ORC5: variants seen among roughly 807,000 people sequenced by gnomAD.
ORC5 encodes the protein protein phosphatase 1, regulatory subunit 117.
ORC5 carries 39 observed loss-of-function variants against 58.8 expected under a neutral mutation model. That is an observed-to-expected ratio of 0.66 (90% CI 0.51 to 0.87). ORC5 has a LOEUF of 0.87. ORC5 is among the 40% of genes least tolerant of loss of function. The pLI, the probability that ORC5 is intolerant of heterozygous loss-of-function variation, is 0.00. For missense variants in ORC5, 493 were observed against 506.3 expected (o/e 0.97, Z 0.25); for synonymous variants, 218 against 177.6 (o/e 1.23, Z -1.81).
intron 5 of ORC5, among the ~76,000 whole-genome samples, chr7:104,189,579 C>A (rs1043522749): frequency 6.6e-6 from 1 of 152,046 alleles, no homozygotes; most frequent in South Asian, 2.1e-4. Context: ...ATGATTTAAT[C>A]AAATCATGAC....
At chr7:104,142,879 C>T (rs1798694864) in intron 12 of ORC5, among the ~76,000 whole-genome samples, 2 of 152,026 alleles carry the variant, frequency 1.3e-5, no homozygotes, top group South Asian at 2.1e-4. Flanking sequence ...CAGGAGTCTT[C>T]GTGGGAGAGT....
chr7:104,156,824 T>C lies in ORC5; in HGVS notation c.1149+4248A>G, dbSNP rs185317653. Among the ~76,000 whole-genome samples the C allele has an allele frequency of 2.8e-3, 423 of 151,986 alleles. 13 individuals are homozygous for C. Among genetic ancestry groups the C allele is most frequent in the Admixed American group, 0.026 (393 of 15,242 alleles). Reference sequence around the variant, plus strand: ...ATAAAAGTGTAAATACACACATACATGTTTATAATTACATTTTTCAGCAAG... The same window carrying C: ...ATAAAAGTGTAAATACACACATACACGTTTATAATTACATTTTTCAGCAAG... On this transcript the variant is annotated intron_variant, in intron 12 of 13. Transcript: ENST00000297431.
At chr7:104,139,060 G>A (rs194853) in intron 12 of ORC5, among the ~76,000 whole-genome samples, 45,494 of 152,084 alleles carry the variant, frequency 0.3, 7,384 homozygotes, top group East Asian at 0.52. Flanking sequence ...AGGAAAAAGA[G>A]TCAGCAATGG....
chr7:104,179,454 C>A (rs188527127), intron 8 of ORC5, among the ~76,000 whole-genome samples: 212 of 152,062 alleles, frequency 1.4e-3, no homozygotes, highest in African/African-American at 5.0e-3. Flanking sequence ...ATTTGTAAGT[C>A]TTTCCAAAGA....
intron 2 of ORC5, among the ~76,000 whole-genome samples, chr7:104,202,182 C>T (rs781234964): frequency 2.6e-5 from 4 of 152,118 alleles, no homozygotes; most frequent in Non-Finnish European, 2.9e-5. Flanking sequence ...AGGTCACAAA[C>T]GAGACTTGCT....
chr7:104,197,631 T>C, intron 4 of ORC5, 94 bp downstream of exon 4: 1 of 697,932 alleles, frequency 1.4e-6, no homozygotes. Context: ...ATTAAAATAC[T>C]AATTCTCACC....
At chr7:104,194,520 C>T (rs1445758336) in intron 5 of ORC5, among the ~76,000 whole-genome samples, 1 of 151,976 alleles carries the variant, frequency 6.6e-6, no homozygotes, top group Non-Finnish European at 1.5e-5. Context: ...CCAAAATCAT[C>T]AGGATCTATG....
chr7:104,193,719 T>TAAA lies in ORC5; in HGVS notation c.553+1421_553+1423dup, dbSNP rs10651483. On this transcript the variant is annotated intron_variant, in intron 5 of 13. Coordinates refer to ENST00000297431, the MANE Select transcript of ORC5 (RefSeq NM_002553.4). ...TTTGTCTGACTACAGTGTTTTTGCT[T>TAAA]AAAAAAAAAAAACAAAACTGAATAT... 7.4e-4 allele frequency among the ~76,000 whole-genome samples: 108 copies of TAAA among 145,738 alleles called. 1 individual carries two copies. The highest frequency in any genetic ancestry group is 1.1e-3 in the Non-Finnish European group (76 of 66,520).
rs7797481 is a variant in ORC5, at chr7:104,129,609, G to C, written c.1263-2716C>G. Among the ~76,000 whole-genome samples the C allele has an allele frequency of 0.13, 19,767 of 152,158 alleles. 1,537 individuals are homozygous for C. The highest frequency in any genetic ancestry group is 0.18 in the Non-Finnish European group (12,370 of 67,948). ...TGCCACACATCCGAAAGATAATTTT[G>C]TGCTTTAAAGTACTTGAAGACAAAC... On this transcript the variant is annotated intron_variant, in intron 13 of 13. Transcript: ENST00000297431. The surrounding 1 kb of genome is among the most constrained non-coding windows in gnomAD (Gnocchi z 4.9).
At chr7:104,187,723 A>G (rs1185793988) in intron 6 of ORC5, 1 of 956,514 alleles carries the variant, frequency 1.0e-6, no homozygotes, top group African/African-American at 1.8e-5. Context: ...AATTGTTAAA[A>G]AAAAAAAATT....
intron 12 of ORC5, among the ~76,000 whole-genome samples, chr7:104,155,181 A>G (rs1798903243): frequency 6.6e-6 from 1 of 151,814 alleles, no homozygotes; most frequent in African/African-American, 2.4e-5. Context: ...TCGATGTAAC[A>G]AATAACTCCA....
At chr7:104,201,184 G>A (rs1799934664) in intron 2 of ORC5, among the ~76,000 whole-genome samples, 1 of 152,174 alleles carries the variant, frequency 6.6e-6, no homozygotes, top group Non-Finnish European at 1.5e-5. Context: ...AAGGGAGAAT[G>A]GTGGGAGAGA....
intron 8 of ORC5, among the ~76,000 whole-genome samples, chr7:104,180,322 G>C (rs1799407467): frequency 7.7e-6 from 1 of 129,650 alleles, no homozygotes; most frequent in Non-Finnish European, 1.9e-5. Flanking sequence ...CAAATATTTT[G>C]CATTTTATCA....
chr7:104,150,361 C>T lies in ORC5; in HGVS notation c.1149+10711G>A, dbSNP rs565326171. Among the ~76,000 whole-genome samples, 4 of 152,202 alleles carry T rather than the reference C, an allele frequency of 2.6e-5. No individual in the cohort carries two copies. The East Asian group carries it at 5.8e-4, about 22-fold the overall frequency. On this transcript the variant is annotated intron_variant, in intron 12 of 13. Transcript: ENST00000297431. ...ATGAAATTTCAGTGTATGAGTTCCA[C>T]ACAACCCAACAAGCACCACATTTGA...
chr7:104,160,684 G>C (rs750032875), intron 12 of ORC5, among the ~76,000 whole-genome samples: 1 of 151,640 alleles, frequency 6.6e-6, no homozygotes, highest in Admixed American at 6.6e-5. Context: ...ACATAGATGA[G>C]GAATAAGAAC....
In ORC5 at chr7:104,136,726, G is replaced by T; in HGVS notation, c.1262+55C>A. The T allele has an allele frequency of 8.6e-7, 1 of 1,167,496 alleles. No homozygotes were observed. The highest frequency in any genetic ancestry group is 1.3e-6 in the Non-Finnish European group (1 of 784,882). 72.3% of individuals were successfully genotyped at this position (1,167,496 alleles called of 1,614,324 possible). The stretch of plus-strand genomic sequence containing the variant: ...TGTCATGACTAATGACATCACATTT[G>T]GAAAACACTAATTTTTATATTTAGT... On this transcript the variant is annotated intron_variant, in intron 13 of 13. Coordinates refer to ENST00000297431, the MANE Select transcript of ORC5 (RefSeq NM_002553.4). This position sits in a 1 kb window ranked among gnomAD's most constrained non-coding sequence, Gnocchi z 4.2.
intron 13 of ORC5, among the ~76,000 whole-genome samples, chr7:104,135,731 C>A (rs1283938131): frequency 1.3e-5 from 2 of 152,176 alleles, no homozygotes; most frequent in African/African-American, 4.8e-5. Context: ...ATTTGCAAAT[C>A]TATACTGATA....
At chr7:104,176,336 A>C (rs190379182) in intron 8 of ORC5, among the ~76,000 whole-genome samples, 45 of 152,362 alleles carry the variant, frequency 3.0e-4, no homozygotes, top group African/African-American at 1.1e-3. Flanking sequence ...TTATCTGGGA[A>C]AGGCATAGAC....
At chr7:104,168,357 A>G in intron 9 of ORC5, 116 bp downstream of exon 9, 1 of 1,453,298 alleles carries the variant, frequency 6.9e-7, no homozygotes, top group Non-Finnish European at 9.2e-7. Flanking sequence ...CTTGAAAAGT[A>G]AATTCTCTTT....
Sources: allele counts gnomAD v4.1 joint callset (sites outside exome capture counted in the v4.1 genomes callset), GRCh38; gene constraint gnomAD v4.1.1; non-coding constraint Gnocchi (gnomAD v3.1); transcripts MANE v1.5; gene names NCBI Gene and HGNC (gene_info 2026-07-23, HGNC 2026-07-21).